Variants in KIF21A observed in about 807,000 individuals in gnomAD.
KIF21A encodes kinesin family member 21A.
In KIF21A, 114 loss-of-function variants were observed where a neutral mutation model predicts 202.9. The observed-to-expected ratio is 0.56, with a 90% CI of 0.48 to 0.66. KIF21A has a LOEUF of 0.66. Among genes scored for constraint, KIF21A ranks in the 30% least tolerant of loss-of-function variants. KIF21A has a pLI of 0.00. For synonymous variants in KIF21A, 667 were observed against 670.8 expected (o/e 0.99, Z 0.09); for missense variants, 1,677 against 1,994.9 (o/e 0.84, Z 3.04).
At chr12:39,316,294 T>C (rs1944534154) in intron 29 of KIF21A, among the ~76,000 whole-genome samples, 1 of 152,086 alleles carries the variant, frequency 6.6e-6, no homozygotes, top group Non-Finnish European at 1.5e-5. Context: ...CACTTCAAGG[T>C]TTGCTCTATT....
intron 1 of KIF21A, among the ~76,000 whole-genome samples, chr12:39,397,397 C>T (rs1951835937): frequency 2.6e-5 from 4 of 151,992 alleles, no homozygotes; most frequent in Non-Finnish European, 1.5e-5. Context: ...TAAAACTACA[C>T]ACTCACTTCC....
At chr12:39,417,642 A>C (rs1180200152) in intron 1 of KIF21A, among the ~76,000 whole-genome samples, 1 of 152,192 alleles carries the variant, frequency 6.6e-6, no homozygotes, top group Non-Finnish European at 1.5e-5. Flanking sequence ...TTTTGTGGTC[A>C]GATCACCCTG....
chr12:39,423,844 C>T (rs1954516495), intron 1 of KIF21A, among the ~76,000 whole-genome samples: 1 of 151,772 alleles, frequency 6.6e-6, no homozygotes, highest in Admixed American at 6.6e-5. Flanking sequence ...ATTAGCTGGG[C>T]ATGGTGGCGC....
chr12:39,370,261 T>C lies in KIF21A; in HGVS notation c.45A>G (p.Arg15=), dbSNP rs754873697. Residue 15 remains arginine (R), a splice_region_variant and synonymous_variant, in exon 2 of 38, where the codon AGA becomes AGG. Transcript: ENST00000361418. The stretch of plus-strand genomic sequence containing the variant: ...TCTCTTTGGCAAGCTGTGGTCTTAT[T>C]CTGTGAGAAATAATCAGAAAAGAAA... ...PDESSVRVAV[R]IRPQLAKEKI... is the part of the protein sequence containing the mutation. 1.2e-6 allele frequency: 2 copies of C among 1,603,484 alleles called. No homozygotes were observed. Among genetic ancestry groups the C allele is most frequent in the Non-Finnish European group, 1.7e-6 (2 of 1,171,406 alleles).
chr12:39,408,454 C>CCA (rs1952790287), intron 1 of KIF21A, among the ~76,000 whole-genome samples: 1 of 152,098 alleles, frequency 6.6e-6, no homozygotes, highest in Non-Finnish European at 1.5e-5. Flanking sequence ...TCCTAGCAGG[C>CCA]CACAGACTGT....
At chr12:39,405,962 T>C (rs1385069057) in intron 1 of KIF21A, among the ~76,000 whole-genome samples, 1 of 152,154 alleles carries the variant, frequency 6.6e-6, no homozygotes, top group Non-Finnish European at 1.5e-5. Flanking sequence ...TAGAAGAAAA[T>C]TTCCCCTTTA....
At chr12:39,391,954 G>A (rs1761206450) in intron 1 of KIF21A, among the ~76,000 whole-genome samples, 2 of 152,026 alleles carry the variant, frequency 1.3e-5, no homozygotes, top group Admixed American at 1.3e-4. Context: ...CGGCCAAGCT[G>A]GTCTTGAACT....
rs190131865 is a variant in KIF21A, at chr12:39,434,936, A to T, written c.44+7991T>A. ...CAAATAATGTGGATATCTATTCTGAAAAAAATGTAATTCCTTCATCATATT... is the reference window on the plus strand; with the variant it reads ...CAAATAATGTGGATATCTATTCTGATAAAAATGTAATTCCTTCATCATATT... On this transcript the variant is annotated intron_variant, in intron 1 of 37. Coordinates refer to ENST00000361418, the MANE Select transcript of KIF21A (RefSeq NM_001173464.2). Among the ~76,000 whole-genome samples the T allele has an allele frequency of 1.8e-3, 280 of 152,318 alleles. 2 individuals carry two copies. Among genetic ancestry groups the T allele is most frequent in the Middle Eastern group, 3.4e-3 (1 of 294 alleles).
At position 39,293,401 on chromosome 12, in the gene KIF21A, A is replaced by C. The variant is rs145755431; in HGVS notation, c.*1023T>G. The C allele has an allele frequency of 6.5e-6, 1 of 152,790 alleles. No homozygotes were observed. Among genetic ancestry groups the C allele is most frequent in the East Asian group, 1.9e-4 (1 of 5,188 alleles). 9.5% of individuals were successfully genotyped at this position (152,790 alleles called of 1,614,324 possible). On this transcript the variant is annotated 3_prime_UTR_variant, in exon 38 of 38. Coordinates refer to ENST00000361418, the MANE Select transcript of KIF21A (RefSeq NM_001173464.2). The stretch of plus-strand genomic sequence containing the variant: ...TTCTGAGCAGACAGAAATATTATAC[A>C]TCCTTTTGCAAAATCCAGTCAACAA...
chr12:39,355,718 T>TAC (rs1452392495), intron 10 of KIF21A, among the ~76,000 whole-genome samples: 1 of 142,210 alleles, frequency 7.0e-6, no homozygotes, highest in African/African-American at 2.7e-5. Context: ...TATATATATA[T>TAC]ATATATATAT....
At chr12:39,315,191 G>T in intron 31 of KIF21A, 38 bp downstream of exon 31, 1 of 1,597,366 alleles carries the variant, frequency 6.3e-7, no homozygotes, top group Non-Finnish European at 8.6e-7. Context: ...TTTTGATACT[G>T]GAAATGAAAT....
chr12:39,411,701 G>A (rs1420588118), intron 1 of KIF21A, among the ~76,000 whole-genome samples: 2 of 151,606 alleles, frequency 1.3e-5, no homozygotes, highest in African/African-American at 4.9e-5. Flanking sequence ...TAATTTTTAT[G>A]TATTTTATTT....
intron 23 of KIF21A, 43 bp downstream of exon 23, chr12:39,330,703 G>C (rs762284318): frequency 6.3e-7 from 1 of 1,588,200 alleles, no homozygotes; most frequent in South Asian, 1.1e-5. Context: ...AAAAAGCAAA[G>C]CTACCATGCA....
In KIF21A at chr12:39,359,924, G is replaced by C. The variant is rs1291332706; in HGVS notation, c.1020-1551C>G. 7.9e-5 allele frequency among the ~76,000 whole-genome samples: 12 copies of C among 152,164 alleles called. No individual in the cohort carries two copies. In the East Asian group the frequency reaches 2.3e-3, roughly 29 times the overall value. Reference sequence around the variant, plus strand: ...TCTCATTGAGTATAGATCAGTTCAAGTGTTTTCAAACTCCGATGGTGAGTC... The same window carrying C: ...TCTCATTGAGTATAGATCAGTTCAACTGTTTTCAAACTCCGATGGTGAGTC... On this transcript the variant is annotated intron_variant, in intron 7 of 37. Coordinates refer to ENST00000361418, the MANE Select transcript of KIF21A (RefSeq NM_001173464.2).
At chr12:39,429,491 A>G (rs1955016986) in intron 1 of KIF21A, among the ~76,000 whole-genome samples, 1 of 152,218 alleles carries the variant, frequency 6.6e-6, no homozygotes, top group African/African-American at 2.4e-5. Context: ...AATAAATTGT[A>G]AAAAGGGGGC....
chr12:39,370,378 A>G (rs1949872289), intron 1 of KIF21A, 117 bp from the exon 2 acceptor site: 3 of 703,414 alleles, frequency 4.3e-6, no homozygotes, highest in Non-Finnish European at 7.4e-6. Context: ...TAATTACCTA[A>G]TGCTTATTCA....
chr12:39,408,163 G>A lies in KIF21A; in HGVS notation c.44+34764C>T, dbSNP rs111610051. ...TTTTGGCACCAAGGACTGGTTTCGT[G>A]GAAGACAGTTTTTCCAGGGATGGTC... On this transcript the variant is annotated intron_variant, in intron 1 of 37. Transcript: ENST00000361418. Among the ~76,000 whole-genome samples the A allele has an allele frequency of 6.6e-3, 998 of 152,202 alleles. 13 individuals carry two copies. The highest frequency in any genetic ancestry group is 0.023 in the African/African-American group (953 of 41,530).
intron 10 of KIF21A, 32 bp downstream of exon 10, chr12:39,356,800 G>T: frequency 2.1e-6 from 2 of 932,712 alleles, no homozygotes; most frequent in Non-Finnish European, 3.5e-6. Flanking sequence ...AAACAAACAT[G>T]TGCATTATAT....
chr12:39,301,509 A>C lies in KIF21A; in HGVS notation c.4902T>G (p.Val1634=), dbSNP rs745823784. ...GHDSPINAIC[V]NSTHIFTAAD... is the part of the protein sequence containing the mutation. ...CTGCAGTAAAAATGTGGGTGGAATT[A>C]ACACATATGGCATTGATAGGACTAT... is the stretch of plus-strand genomic sequence containing the variant. Residue 1634 remains valine, a synonymous_variant, in exon 37 of 38, where the codon GTT becomes GTG. Coordinates refer to ENST00000361418, the MANE Select transcript of KIF21A (RefSeq NM_001173464.2). The C allele has an allele frequency of 1.9e-6, 3 of 1,614,118 alleles. 1 individual carries two copies. The South Asian group carries it at 3.3e-5, about 18-fold the overall frequency.
Sources: allele counts gnomAD v4.1 joint callset (sites outside exome capture counted in the v4.1 genomes callset), GRCh38; gene constraint gnomAD v4.1.1; transcripts MANE v1.5; gene names NCBI Gene and HGNC (gene_info 2026-07-23, HGNC 2026-07-21).